HECW2: variants seen among roughly 807,000 people sequenced by gnomAD.
The protein encoded by HECW2 is HECT, C2 and WW domain containing E3 ubiquitin protein ligase 2.
HECW2 carries 61 observed loss-of-function variants against 175.2 expected under a neutral mutation model. The observed-to-expected ratio is 0.35, with a 90% CI of 0.28 to 0.43. The LOEUF is 0.43. Ranked by LOEUF, HECW2 falls within the 20% of genes least tolerant of loss-of-function variation. The pLI is 1.00. For synonymous variants in HECW2, 671 were observed against 731.0 expected (o/e 0.92, Z 1.32); for missense variants, 1,524 against 2,000.5 (o/e 0.76, Z 4.54).
chr2:196,221,734 A>AT (rs1417776745), intron 24 of HECW2, among the ~76,000 whole-genome samples: 1 of 151,816 alleles, frequency 6.6e-6, no homozygotes, highest in African/African-American at 2.4e-5. Context: ...TAATTTTTGT[A>AT]TTTTTTGTAG....
intron 2 of HECW2, among the ~76,000 whole-genome samples, chr2:196,364,003 T>A (rs1251725780): frequency 6.6e-6 from 1 of 152,194 alleles, no homozygotes; most frequent in Non-Finnish European, 1.5e-5. Flanking sequence ...AGCTCTTGAC[T>A]ACTTTCTAGT....
intron 1 of HECW2, among the ~76,000 whole-genome samples, chr2:196,507,408 T>C (rs1228815997): frequency 1.3e-5 from 2 of 152,222 alleles, no homozygotes; most frequent in Non-Finnish European, 2.9e-5. Flanking sequence ...CTGGGAATTA[T>C]TTTGTGCCCA....
At chr2:196,427,759 C>T (rs1335962146) in intron 2 of HECW2, among the ~76,000 whole-genome samples, 1 of 152,128 alleles carries the variant, frequency 6.6e-6, no homozygotes, top group Non-Finnish European at 1.5e-5. Flanking sequence ...GGGCCTATAG[C>T]TCCATTGTGA....
intron 2 of HECW2, among the ~76,000 whole-genome samples, chr2:196,409,166 T>G (rs1695041907): frequency 6.6e-6 from 1 of 152,162 alleles, no homozygotes; most frequent in African/African-American, 2.4e-5. Flanking sequence ...ACCATGGCAC[T>G]TGGCTAGAAA....
At chr2:196,308,115 T>G (rs1553496902) in intron 10 of HECW2, 30 bp from the exon 11 acceptor site, 1 of 1,518,058 alleles carries the variant, frequency 6.6e-7, no homozygotes, top group Non-Finnish European at 8.9e-7. Context: ...CGAAAGGAAT[T>G]AGGAGGAGGA....
chr2:196,303,871 C>A (rs1324251688), intron 13 of HECW2, among the ~76,000 whole-genome samples: 1 of 152,128 alleles, frequency 6.6e-6, no homozygotes, highest in Non-Finnish European at 1.5e-5. Context: ...ATATTCCAAT[C>A]TATTAGCAAG....
At chr2:196,305,292 T>C (rs1395582995) in intron 13 of HECW2, among the ~76,000 whole-genome samples, 1 of 152,208 alleles carries the variant, frequency 6.6e-6, no homozygotes, top group Non-Finnish European at 1.5e-5. Context: ...TATATGAGGA[T>C]AGCTAGCATG....
chr2:196,321,331 C>A (rs549327052), intron 7 of HECW2, among the ~76,000 whole-genome samples: 2 of 151,576 alleles, frequency 1.3e-5, no homozygotes, highest in South Asian at 4.2e-4. Context: ...GCAGTCATTT[C>A]ATTTTCCTGC....
At chr2:196,415,005 TGAAA>T (rs923505747) in intron 2 of HECW2, among the ~76,000 whole-genome samples, 1 of 152,062 alleles carries the variant, frequency 6.6e-6, no homozygotes, top group Non-Finnish European at 1.5e-5. Flanking sequence ...GGCCCTGAAG[TGAAA>T]GGTGACAGCC....
chr2:196,491,770 A>G (rs892539625), intron 1 of HECW2, among the ~76,000 whole-genome samples: 3 of 152,036 alleles, frequency 2.0e-5, no homozygotes, highest in African/African-American at 7.2e-5. Context: ...AATAATAAAG[A>G]TATCATTTGC....
intron 19 of HECW2, among the ~76,000 whole-genome samples, chr2:196,245,296 T>C (rs1688606055): frequency 6.6e-6 from 1 of 152,208 alleles, no homozygotes; most frequent in African/African-American, 2.4e-5. Context: ...CGGGTATTAC[T>C]AGGACCATCA....
chr2:196,302,199 G>A (rs1368491779), intron 13 of HECW2, among the ~76,000 whole-genome samples: 2 of 152,128 alleles, frequency 1.3e-5, no homozygotes, highest in African/African-American at 2.4e-5. Flanking sequence ...AATGGTTGTA[G>A]GTGTGCAGTC....
At chr2:196,513,186 G>A (rs1403448394) in intron 1 of HECW2, among the ~76,000 whole-genome samples, 3 of 152,184 alleles carry the variant, frequency 2.0e-5, no homozygotes, top group Non-Finnish European at 2.9e-5. Context: ...AAATGTTGCT[G>A]TCTTTAAACA....
intron 13 of HECW2, among the ~76,000 whole-genome samples, chr2:196,303,366 T>G (rs1691138857): frequency 6.6e-6 from 1 of 152,218 alleles, no homozygotes; most frequent in Non-Finnish European, 1.5e-5. Context: ...GCCTGAAGTT[T>G]TCTTTTTCTG....
intron 1 of HECW2, among the ~76,000 whole-genome samples, chr2:196,521,475 T>C (rs1355817625): frequency 1.3e-5 from 2 of 152,012 alleles, no homozygotes; most frequent in Non-Finnish European, 2.9e-5. Context: ...TTTTATTTTA[T>C]TTCATTTTAT....
intron 21 of HECW2, among the ~76,000 whole-genome samples, chr2:196,232,736 C>T (rs1472362171): frequency 1.3e-5 from 2 of 152,110 alleles, no homozygotes; most frequent in African/African-American, 4.8e-5. Context: ...TGATTAGTTC[C>T]CTTTTTATGA....
Position 196,527,059 on chromosome 2 carries a change from G to A in HECW2, c.-36+66449C>T, listed in dbSNP as rs1249223448. Among the ~76,000 whole-genome samples the A allele has an allele frequency of 6.0e-5, 9 of 150,466 alleles. No individual in the cohort carries two copies. In the East Asian group the frequency reaches 1.4e-3, roughly 23 times the overall value. On this transcript the variant is annotated intron_variant, in intron 1 of 28. Coordinates refer to ENST00000644978, the MANE Select transcript of HECW2 (RefSeq NM_001348768.2). ...TACCTAAGCAAGCCTGGGCAATGGC[G>A]GGCGCCCCTCCCCCAGCCTTGCTGC...
chr2:196,406,749 G>GCTTAGGGTTC (rs1694976635), intron 2 of HECW2, among the ~76,000 whole-genome samples: 1 of 152,148 alleles, frequency 6.6e-6, no homozygotes, highest in Non-Finnish European at 1.5e-5. Flanking sequence ...CCTGCTTAGG[G>GCTTAGGGTTC]CCTTAGGAAC....
In HECW2 at chr2:196,278,522, A is replaced by AC. The variant is rs1350926264; in HGVS notation, c.3135+5dup. ...AACAGGTCAGTCCCCAAAACGCATG[A>AC]CTCACCTCACCCGCACTGTGGCTGC... On this transcript the variant is annotated splice_donor_region_variant and intron_variant, in intron 15 of 28. Transcript: ENST00000644978. The AC allele has an allele frequency of 6.2e-7, 1 of 1,613,298 alleles. No homozygotes were observed. Among genetic ancestry groups the AC allele is most frequent in the East Asian group, 2.2e-5 (1 of 44,844 alleles).
Sources: allele counts gnomAD v4.1 joint callset (sites outside exome capture counted in the v4.1 genomes callset), GRCh38; gene constraint gnomAD v4.1.1; transcripts MANE v1.5; gene names NCBI Gene and HGNC (gene_info 2026-07-23, HGNC 2026-07-21).